The following TMEM108 variants were observed in gnomAD, a reference collection of about 807,000 sequenced individuals.
The protein encoded by TMEM108 is transmembrane protein 108.
A neutral mutation model predicts 35.1 loss-of-function variants in TMEM108; 12 were observed. The ratio of observed to expected loss-of-function variants is 0.34; its 90% CI spans 0.22 to 0.55. The LOEUF is 0.55. Ranked by LOEUF, TMEM108 falls within the 20% of genes least tolerant of loss-of-function variation. The pLI, the probability that TMEM108 is intolerant of heterozygous loss-of-function variation, is 0.89. For synonymous variants in TMEM108, 287 were observed against 308.6 expected, an observed-to-expected ratio of 0.93 and a Z score of 0.73; for missense variants, 680 against 753.3, an observed-to-expected ratio of 0.90 and a Z score of 1.14.
chr3:133,162,407 A>G (rs1944974101), intron 2 of TMEM108, among the ~76,000 whole-genome samples: 1 of 152,236 alleles, frequency 6.6e-6, no homozygotes, highest in South Asian at 2.1e-4. Context: ...GATACTAGTC[A>G]GCCTGAGTGA....
chr3:133,200,611 C>A (rs1233887030), intron 2 of TMEM108, among the ~76,000 whole-genome samples: 2 of 152,170 alleles, frequency 1.3e-5, no homozygotes, highest in Non-Finnish European at 2.9e-5. Flanking sequence ...TAAAGGAAAG[C>A]AAAGAGAATC....
At chr3:133,359,931 C>T (rs1047653583) in intron 3 of TMEM108, among the ~76,000 whole-genome samples, 3 of 140,960 alleles carry the variant, frequency 2.1e-5, no homozygotes, top group Non-Finnish European at 3.0e-5. Context: ...AAACTGGAAA[C>T]AATTCAGCTG....
chr3:133,219,788 A>G (rs1448692602), intron 2 of TMEM108, among the ~76,000 whole-genome samples: 1 of 152,154 alleles, frequency 6.6e-6, no homozygotes, highest in Non-Finnish European at 1.5e-5. Context: ...CTTGAGAAGA[A>G]TGTGTATTCT....
At chr3:133,164,506 A>G (rs1272507395) in intron 2 of TMEM108, among the ~76,000 whole-genome samples, 1 of 152,228 alleles carries the variant, frequency 6.6e-6, no homozygotes. Context: ...TAGTAGAAGC[A>G]ACACTGAACT....
intron 3 of TMEM108, among the ~76,000 whole-genome samples, chr3:133,254,100 G>A: frequency 6.6e-6 from 1 of 152,138 alleles, no homozygotes; most frequent in South Asian, 2.1e-4. Flanking sequence ...TGCTTTGGGA[G>A]GCTAAGGCAG....
At chr3:133,306,121 G>T (rs918952676) in intron 3 of TMEM108, among the ~76,000 whole-genome samples, 2 of 151,996 alleles carry the variant, frequency 1.3e-5, no homozygotes, top group Admixed American at 1.3e-4. Context: ...GATAAAGTTC[G>T]ATTTATTGAG....
chr3:133,088,208 T>A (rs1943906475), intron 2 of TMEM108, among the ~76,000 whole-genome samples: 1 of 151,950 alleles, frequency 6.6e-6, no homozygotes, highest in Non-Finnish European at 1.5e-5. Context: ...GTAGGGAGCC[T>A]GAGAAGTGCA....
chr3:133,189,437 T>G (rs913938494), intron 2 of TMEM108, among the ~76,000 whole-genome samples: 3 of 152,248 alleles, frequency 2.0e-5, no homozygotes, highest in African/African-American at 7.2e-5. Flanking sequence ...AGAGGGGATA[T>G]CATCCATTCA....
chr3:133,224,869 C>A (rs1236147702), intron 2 of TMEM108, among the ~76,000 whole-genome samples: 1 of 138,604 alleles, frequency 7.2e-6, no homozygotes, highest in Non-Finnish European at 1.6e-5. Flanking sequence ...GGGGCATCTC[C>A]TGTGGGGAAT....
intron 2 of TMEM108, among the ~76,000 whole-genome samples, chr3:133,206,693 C>G (rs1476313740): frequency 6.6e-6 from 1 of 152,156 alleles, no homozygotes; most frequent in Non-Finnish European, 1.5e-5. Context: ...CAGAGGGGCA[C>G]CCACCAGATG....
chr3:133,396,052 A>ATAT lies in TMEM108; in HGVS notation c.*70_*72dup. 2 of 1,103,530 alleles carry ATAT rather than the reference A, an allele frequency of 1.8e-6. No individual in the cohort carries two copies. The highest frequency in any genetic ancestry group is 7.2e-5 in the South Asian group (2 of 27,836). The allele number at this position is 1,103,530 out of a possible 1,614,324, so 68.4% of individuals were successfully genotyped here. A position where few individuals can be genotyped will look rare whatever the true frequency, so the allele number is the denominator to read the frequency against. On this transcript the variant is annotated 3_prime_UTR_variant, in exon 6 of 6. Coordinates refer to ENST00000321871, the MANE Select transcript of TMEM108 (RefSeq NM_023943.4). ...CTAAATTATAAATATACAAATACAT[A>ATAT]TATTATAAATATAACCTTTGTGTAA...
chr3:133,229,654 A>C (rs759220915), intron 3 of TMEM108, among the ~76,000 whole-genome samples: 20 of 152,246 alleles, frequency 1.3e-4, no homozygotes, highest in Non-Finnish European at 2.8e-4. Context: ...TGATGTATTA[A>C]GCATAGTTAA....
At chr3:133,367,135 A>G (rs192648589) in intron 3 of TMEM108, among the ~76,000 whole-genome samples, 18 of 152,328 alleles carry the variant, frequency 1.2e-4, no homozygotes, top group Non-Finnish European at 2.1e-4. Flanking sequence ...GATGTTTCCC[A>G]TAAGTAAGGA....
At chr3:133,163,419 A>AG (rs1034344086) in intron 2 of TMEM108, among the ~76,000 whole-genome samples, 2 of 152,192 alleles carry the variant, frequency 1.3e-5, no homozygotes, top group African/African-American at 2.4e-5. Context: ...ATGCCACTGA[A>AG]GGGTGCATTG....
intron 3 of TMEM108, among the ~76,000 whole-genome samples, chr3:133,359,886 C>G (rs1438276763): frequency 6.6e-6 from 1 of 151,160 alleles, no homozygotes; most frequent in South Asian, 2.1e-4. Context: ...AACTTGTAAA[C>G]AAGTGTTCAT....
At chr3:133,102,253 G>C (rs1944098457) in intron 2 of TMEM108, among the ~76,000 whole-genome samples, 1 of 152,172 alleles carries the variant, frequency 6.6e-6, no homozygotes, top group East Asian at 1.9e-4. Flanking sequence ...TCTTTCAGAA[G>C]GAGTGGAGAA....
chr3:133,324,380 A>G (rs1281427051), intron 3 of TMEM108, among the ~76,000 whole-genome samples: 1 of 152,242 alleles, frequency 6.6e-6, no homozygotes, highest in Non-Finnish European at 1.5e-5. Flanking sequence ...ACAATTTTCA[A>G]AAGAAGATAT....
intron 2 of TMEM108, among the ~76,000 whole-genome samples, chr3:133,152,193 C>T (rs1329726128): frequency 2.0e-5 from 3 of 152,178 alleles, no homozygotes; most frequent in African/African-American, 7.2e-5. Context: ...ACTCTTCATT[C>T]ACAGTGCCTT....
At chr3:133,311,998 G>A (rs1363913970) in intron 3 of TMEM108, among the ~76,000 whole-genome samples, 1 of 152,216 alleles carries the variant, frequency 6.6e-6, no homozygotes, top group African/African-American at 2.4e-5. Flanking sequence ...GGAGTTTGCT[G>A]GACATCCACT....
Sources: gnomAD v4.1 joint callset for allele counts (sites outside exome capture counted in the v4.1 genomes callset) on GRCh38, gnomAD v4.1.1 for gene constraint, MANE v1.5 for transcripts, NCBI Gene and HGNC (gene_info 2026-07-23, HGNC 2026-07-21) for gene names.